KIAA1549L: variants seen among roughly 807,000 people sequenced by gnomAD.
The protein encoded by KIAA1549L is KIAA1549 like, also known as UPF0606 protein KIAA1549L.
In KIAA1549L, 88 loss-of-function variants were observed where a neutral mutation model predicts 160.7. The ratio of observed to expected loss-of-function variants is 0.55; its 90% CI spans 0.46 to 0.65. The LOEUF is 0.65. Among genes scored for constraint, KIAA1549L ranks in the 30% least tolerant of loss-of-function variants. The pLI is 0.00. For synonymous variants in KIAA1549L, 950 were observed against 976.7 expected, an observed-to-expected ratio of 0.97 and a Z score of 0.51; for missense variants, 2,258 against 2,437.5, an observed-to-expected ratio of 0.93 and a Z score of 1.55.
intron 14 of KIAA1549L, among the ~76,000 whole-genome samples, chr11:33,608,391 G>T (rs1035667373): frequency 6.6e-6 from 1 of 152,220 alleles, no homozygotes; most frequent in Non-Finnish European, 1.5e-5. Context: ...TGTATTTTAT[G>T]CCCCTTGGCT....
intron 16 of KIAA1549L, among the ~76,000 whole-genome samples, chr11:33,641,633 TAC>T (rs1480101373): frequency 1.0e-5 from 1 of 99,360 alleles, no homozygotes; most frequent in Non-Finnish European, 2.1e-5. Flanking sequence ...TATATATATA[TAC>T]ACAGTGGGTA....
Position 33,515,732 on chromosome 11 carries a change from A to G in KIAA1549L, c.239-26070A>G, listed in dbSNP as rs377644427. ...TTCCTCTTTTTCATTTGGTTTCTCA[A>G]TCAGTCTTTAACCTCCTCCCTTTGC... On this transcript the variant is annotated intron_variant, in intron 1 of 20. Coordinates refer to ENST00000658780, the MANE Select transcript of KIAA1549L (RefSeq NM_012194.3). Among the ~76,000 whole-genome samples the G allele has an allele frequency of 1.4e-4, 21 of 152,234 alleles. No individual in the cohort carries two copies. The East Asian group carries it at 3.5e-3, about 25-fold the overall frequency.
intron 20 of KIAA1549L, 70 bp from the exon 21 acceptor site, chr11:33,667,803 A>T: frequency 7.2e-7 from 1 of 1,381,392 alleles, no homozygotes; most frequent in Non-Finnish European, 9.9e-7. Context: ...TTCCAGTGTC[A>T]AGTGTGTCCT....
rs182919979 is a variant in KIAA1549L, at chr11:33,454,872, G to A, written c.238+77983G>A. 2.6e-5 allele frequency among the ~76,000 whole-genome samples: 4 copies of A among 152,234 alleles called. 1 individual carries two copies. The highest frequency in any genetic ancestry group is 5.9e-5 in the Non-Finnish European group (4 of 68,010). On this transcript the variant is annotated intron_variant, in intron 1 of 20. Transcript: ENST00000658780. ...TGGGAGGCCGAGGCGGGTGGATCAC[G>A]AGGTCAGGAGATCCAGATCATCCTG... is the stretch of plus-strand genomic sequence containing the variant.
chr11:33,393,973 C>T (rs757302219), intron 1 of KIAA1549L, among the ~76,000 whole-genome samples: 2 of 152,128 alleles, frequency 1.3e-5, no homozygotes, highest in Non-Finnish European at 2.9e-5. Flanking sequence ...CCTTTTTGAC[C>T]ATTCTGCCTA....
intron 16 of KIAA1549L, among the ~76,000 whole-genome samples, chr11:33,636,951 G>A (rs1205186793): frequency 2.0e-5 from 3 of 152,160 alleles, no homozygotes; most frequent in Non-Finnish European, 2.9e-5. Context: ...ACTCAAGGAA[G>A]GCAGTGGAGA....
chr11:33,382,741 C>T (rs561792743), intron 1 of KIAA1549L, among the ~76,000 whole-genome samples: 1 of 152,208 alleles, frequency 6.6e-6, no homozygotes, highest in African/African-American at 2.4e-5. Context: ...CCATCTCATC[C>T]TTCCCATCCC....
At chr11:33,553,335 T>C (rs1204468309) in intron 6 of KIAA1549L, among the ~76,000 whole-genome samples, 2 of 150,584 alleles carry the variant, frequency 1.3e-5, no homozygotes, top group South Asian at 2.1e-4. Flanking sequence ...ACTACGTAGA[T>C]ATCATCCCAC....
At chr11:33,552,964 G>A (rs1854517654) in intron 6 of KIAA1549L, among the ~76,000 whole-genome samples, 1 of 151,974 alleles carries the variant, frequency 6.6e-6, no homozygotes, top group African/African-American at 2.4e-5. Context: ...TCAAACAACA[G>A]AATTCTTTCC....
chr11:33,633,078 C>T (rs1382549825), intron 16 of KIAA1549L, among the ~76,000 whole-genome samples: 2 of 143,348 alleles, frequency 1.4e-5, no homozygotes, highest in South Asian at 2.4e-4. Context: ...TGGGTTCAGG[C>T]GATTCTCCTG....
At chr11:33,403,208 C>CAGACACACACAG (rs1850538914) in intron 1 of KIAA1549L, 1 of 126,580 alleles carries the variant, frequency 7.9e-6, no homozygotes, top group East Asian at 2.3e-4. Context: ...CAGACACACG[C>CAGACACACACAG]ACCCACACAT....
At chr11:33,587,489 T>C (rs1017102223) in intron 11 of KIAA1549L, among the ~76,000 whole-genome samples, 1 of 152,222 alleles carries the variant, frequency 6.6e-6, no homozygotes, top group Non-Finnish European at 1.5e-5. Context: ...TTTTCTTATC[T>C]GTGAAATGAA....
At chr11:33,619,164 A>G (rs1217910276) in intron 16 of KIAA1549L, among the ~76,000 whole-genome samples, 1 of 152,204 alleles carries the variant, frequency 6.6e-6, no homozygotes, top group Non-Finnish European at 1.5e-5. Flanking sequence ...GACGTGACCA[A>G]GCTGCAGAAA....
chr11:33,482,689 C>T (rs1292336202), intron 1 of KIAA1549L, among the ~76,000 whole-genome samples: 1 of 151,460 alleles, frequency 6.6e-6, no homozygotes, highest in Non-Finnish European at 1.5e-5. Flanking sequence ...CCTGCCTCAG[C>T]CTCCTGGGTA....
chr11:33,496,354 T>C (rs781348218), intron 1 of KIAA1549L, among the ~76,000 whole-genome samples: 4 of 152,172 alleles, frequency 2.6e-5, no homozygotes, highest in Non-Finnish European at 5.9e-5. Context: ...AGGTAGGGGC[T>C]TAGGACCCCA....
intron 10 of KIAA1549L, among the ~76,000 whole-genome samples, chr11:33,578,526 A>G (rs1855530593): frequency 6.6e-6 from 1 of 152,230 alleles, no homozygotes; most frequent in Non-Finnish European, 1.5e-5. Context: ...CTACATTGTA[A>G]TTAGAGTCAT....
At chr11:33,583,290 C>G (rs759827998) in intron 10 of KIAA1549L, 48 bp from the exon 11 acceptor site, 8 of 1,550,126 alleles carry the variant, frequency 5.2e-6, no homozygotes, top group Non-Finnish European at 6.1e-6. Flanking sequence ...TTGCTTTCCT[C>G]TTCCCAGTGT....
rs201551936 is a variant in KIAA1549L, at chr11:33,440,120, C to CTTTTTTTTTTTTTTTTT, written c.238+63242_238+63258dup. On this transcript the variant is annotated intron_variant, in intron 1 of 20. Coordinates refer to ENST00000658780, the MANE Select transcript of KIAA1549L (RefSeq NM_012194.3). ...GGTTATTTCCTCACCTATTTTGTTTCTTTTTTTTTTTTTTTTTTTTTTTTT... is the reference window on the plus strand; with the variant it reads ...GGTTATTTCCTCACCTATTTTGTTTCTTTTTTTTTTTTTTTTTTTTTTTTTTTTTTTTTTTTTTTTTT... Among the ~76,000 whole-genome samples, 43 of 83,414 alleles carry CTTTTTTTTTTTTTTTTT rather than the reference C, an allele frequency of 5.2e-4. 8 individuals are homozygous for CTTTTTTTTTTTTTTTTT. Among genetic ancestry groups the CTTTTTTTTTTTTTTTTT allele is most frequent in the Non-Finnish European group, 7.4e-4 (30 of 40,744 alleles). The allele number at this position is 83,414 out of a possible 152,430, so 54.7% of individuals were successfully genotyped here. A position where few individuals can be genotyped will look rare whatever the true frequency, so the allele number is the denominator to read the frequency against.
chr11:33,444,475 C>T (rs1851570973), intron 1 of KIAA1549L, among the ~76,000 whole-genome samples: 1 of 152,120 alleles, frequency 6.6e-6, no homozygotes, highest in Non-Finnish European at 1.5e-5. Flanking sequence ...GAAAGAGGCA[C>T]TGGTAATTGG....
Sources: allele counts gnomAD v4.1 joint callset (sites outside exome capture counted in the v4.1 genomes callset), GRCh38; gene constraint gnomAD v4.1.1; transcripts MANE v1.5; gene names NCBI Gene and HGNC (gene_info 2026-07-23, HGNC 2026-07-21).